LDB3: variants seen among roughly 807,000 people sequenced by gnomAD.
The protein encoded by LDB3 is LIM domain-binding protein 3.
A neutral mutation model predicts 69.0 loss-of-function variants in LDB3; 49 were observed. The observed-to-expected ratio is 0.71, with a 90% CI of 0.56 to 0.90. The LOEUF (loss-of-function observed/expected upper bound fraction) is 0.90, where lower values mean the gene tolerates loss of function less well. Ranked by LOEUF, LDB3 falls within the 40% of genes least tolerant of loss-of-function variation. LDB3 has a pLI of 0.00. For missense variants in LDB3, 928 were observed against 974.1 expected, an observed-to-expected ratio of 0.95 and a Z score of 0.63; for synonymous variants, 387 against 396.2, an observed-to-expected ratio of 0.98 and a Z score of 0.28.
intron 13 of LDB3, chr10:86,732,685 G>A: frequency 1.8e-6 from 1 of 556,696 alleles, no homozygotes. Context: ...TGTATTTTTA[G>A]TAGAGATGGA....
chr10:86,683,097 CCT>C (rs1415386388), intron 5 of LDB3, among the ~76,000 whole-genome samples: 2 of 152,326 alleles, frequency 1.3e-5, no homozygotes, highest in East Asian at 1.9e-4. Flanking sequence ...ACAGAGATGA[CCT>C]CCTTGTCCCG....
rs371729742 is a variant in LDB3 at position 86,706,552 on chromosome 10, G to A, written c.918G>A (p.Pro306=). 34 of 1,612,684 alleles carry A rather than the reference G, an allele frequency of 2.1e-5. No individual in the cohort carries two copies. Among genetic ancestry groups the A allele is most frequent in the South Asian group, 3.3e-5 (3 of 91,084 alleles). The part of the protein sequence containing the change: ...RRSSTPIEHA[P]VCTSQATTPL... ...TCAGCACCCCTATTGAGCATGCGCC[G>A]GTGTGCACCAGCCAGGCCACCACCC... Residue 306 remains proline, a synonymous_variant, in exon 8 of 14, where the codon CCG becomes CCA. Transcript: ENST00000361373.
At position 86,671,268 on chromosome 10, in the gene LDB3, C is replaced by G. The variant is rs112993034; in HGVS notation, c.93+2484C>G. Among the ~76,000 whole-genome samples, 802 of 152,294 alleles carry G rather than the reference C, an allele frequency of 5.3e-3. 3 individuals are homozygous for G. Among genetic ancestry groups the G allele is most frequent in the Non-Finnish European group, 7.1e-3 (486 of 68,022 alleles). The stretch of plus-strand genomic sequence containing the variant: ...CTAACTCCCATGCTGGCTTGCTCAC[C>G]CCTCTAACTGGGACTAATAGAGAGG... On this transcript the variant is annotated intron_variant, in intron 2 of 13. Coordinates refer to ENST00000361373, the MANE Select transcript of LDB3 (RefSeq NM_007078.3).
intron 13 of LDB3, among the ~76,000 whole-genome samples, chr10:86,727,141 C>T (rs578124416): frequency 6.6e-6 from 1 of 152,040 alleles, no homozygotes; most frequent in Admixed American, 6.6e-5. Context: ...CTGCTTTAGC[C>T]TCCTGAGTAG....
intron 2 of LDB3, among the ~76,000 whole-genome samples, chr10:86,669,249 G>A (rs1844327857): frequency 6.6e-6 from 1 of 152,210 alleles, no homozygotes; most frequent in Non-Finnish European, 1.5e-5. Flanking sequence ...GACCTTGGCT[G>A]CCCAGCTGTC....
At chr10:86,687,410 T>G in intron 5 of LDB3, 1 of 819,798 alleles carries the variant, frequency 1.2e-6, no homozygotes, top group Non-Finnish European at 2.0e-6. Flanking sequence ...GAGCCAGCCT[T>G]CACCAGGGCC....
intron 7 of LDB3, among the ~76,000 whole-genome samples, chr10:86,698,443 C>T (rs1382216272): frequency 6.6e-6 from 1 of 152,190 alleles, no homozygotes; most frequent in Non-Finnish European, 1.5e-5. Flanking sequence ...GCCCTTCCAG[C>T]CTGGAAGGCC....
intron 13 of LDB3, among the ~76,000 whole-genome samples, chr10:86,731,792 C>T (rs1033315711): frequency 6.6e-6 from 1 of 151,526 alleles, no homozygotes; most frequent in Admixed American, 6.6e-5. Flanking sequence ...TAGCAGTGCA[C>T]GAGTAGGCCT....
intron 8 of LDB3, 65 bp from the exon 9 acceptor site, chr10:86,709,840 G>A: frequency 1.3e-6 from 2 of 1,584,892 alleles, no homozygotes; most frequent in South Asian, 2.2e-5. Flanking sequence ...GAGCCAGCCT[G>A]CCTTGACTGC....
chr10:86,692,762 G>T (rs957837513), intron 7 of LDB3, among the ~76,000 whole-genome samples, 191 bp downstream of exon 7: 1 of 152,228 alleles, frequency 6.6e-6, no homozygotes, highest in Non-Finnish European at 1.5e-5. Context: ...ACCTGGACCC[G>T]AGTCTCTGTC....
Position 86,716,849 on chromosome 10 carries a change from G to A in LDB3, c.1676+78G>A, listed in dbSNP as rs764058958. The A allele has an allele frequency of 6.1e-6, 9 of 1,471,068 alleles. No individual in the cohort carries two copies. The South Asian group carries it at 8.5e-5, about 14-fold the overall frequency. The allele number at this position is 1,471,068 out of a possible 1,614,324, so 91.1% of individuals were successfully genotyped here. A position where few individuals can be genotyped will look rare whatever the true frequency, so the allele number is the denominator to read the frequency against. ...GGTGCTTGCCCACAGTCTGAGCCCT[G>A]GTTGGGAGAGATGGGGGTAGGAGGC... On this transcript the variant is annotated intron_variant, in intron 10 of 13. Coordinates refer to ENST00000361373, the MANE Select transcript of LDB3 (RefSeq NM_007078.3).
At chr10:86,701,588 G>A (rs1002517688) in intron 7 of LDB3, among the ~76,000 whole-genome samples, 1 of 152,250 alleles carries the variant, frequency 6.6e-6, no homozygotes, top group East Asian at 1.9e-4. Context: ...GGAAAGGGCC[G>A]ATGCGGCTGT....
intron 7 of LDB3, among the ~76,000 whole-genome samples, chr10:86,694,034 G>C (rs113953853): frequency 0.041 from 6,192 of 152,208 alleles, 221 homozygotes; most frequent in Non-Finnish European, 0.055. Context: ...GTTCCTTAAT[G>C]TTCTGCTTCC....
chr10:86,708,012 A>AG (rs1010140221), intron 8 of LDB3, among the ~76,000 whole-genome samples: 74 of 152,344 alleles, frequency 4.9e-4, no homozygotes, highest in African/African-American at 1.7e-3. Context: ...ATGAATGGTG[A>AG]GGGGCTATAA....
At chr10:86,711,078 G>A (rs916349050) in intron 9 of LDB3, among the ~76,000 whole-genome samples, 1 of 152,246 alleles carries the variant, frequency 6.6e-6, no homozygotes, top group Admixed American at 6.5e-5. Context: ...AGATGGAGCA[G>A]TGGGAAGAGG....
chr10:86,721,226 C>T (rs1436815893), intron 12 of LDB3, among the ~76,000 whole-genome samples: 2 of 152,218 alleles, frequency 1.3e-5, no homozygotes, highest in East Asian at 1.9e-4. Flanking sequence ...CGCAGCCTTG[C>T]AAACACTTGT....
At chr10:86,714,583 T>C (rs1213735079) in intron 9 of LDB3, among the ~76,000 whole-genome samples, 1 of 138,142 alleles carries the variant, frequency 7.2e-6, no homozygotes, top group Non-Finnish European at 1.5e-5. Flanking sequence ...TGAGATGGAG[T>C]CTTGCTCTGT....
In LDB3 at chr10:86,735,962, T is replaced by C. The variant is rs1331471560; in HGVS notation, c.*2986T>C. ...TTTTGGAAACATTTCAGAAGTGGAA[T>C]GTAGCCTGTTAAAGGTGTGCACAAA... is the stretch of plus-strand genomic sequence containing the variant. On this transcript the variant is annotated 3_prime_UTR_variant, in exon 14 of 14. Transcript: ENST00000361373. 6.6e-6 allele frequency: 1 copy of C among 152,010 alleles called. No homozygotes were observed. Among genetic ancestry groups the C allele is most frequent in the Non-Finnish European group, 1.5e-5 (1 of 67,986 alleles). The allele number at this position is 152,010 out of a possible 1,614,324, so 9.4% of individuals were successfully genotyped here.
At chr10:86,705,009 C>T (rs549452124) in intron 7 of LDB3, among the ~76,000 whole-genome samples, 2 of 152,240 alleles carry the variant, frequency 1.3e-5, no homozygotes, top group Admixed American at 6.5e-5. Flanking sequence ...AGCCACCACG[C>T]CTGGCTAGGG....
Sources: allele counts gnomAD v4.1 joint callset (sites outside exome capture counted in the v4.1 genomes callset), GRCh38; gene constraint gnomAD v4.1.1; transcripts MANE v1.5; gene names NCBI Gene and HGNC (gene_info 2026-07-23, HGNC 2026-07-21).